The following SOX5 variants were observed in gnomAD, a reference collection of about 807,000 sequenced individuals.
The protein encoded by SOX5 is SRY-box transcription factor 5, also known as transcription factor SOX-5.
Under a neutral mutation model 92.0 loss-of-function variants are expected in SOX5, and 9 were observed. That is an observed-to-expected ratio of 0.10 (90% confidence interval 0.06 to 0.17). The LOEUF is 0.17. Among genes scored for constraint, SOX5 ranks in the 10% least tolerant of loss-of-function variants. The probability of loss-of-function intolerance (pLI) is 1.00; values close to 1 mark genes in which losing one functional copy is unlikely to be tolerated. For missense variants in SOX5, 642 were observed against 944.5 expected, an observed-to-expected ratio of 0.68 and a Z score of 4.20; for synonymous variants, 344 against 336.3, an observed-to-expected ratio of 1.02 and a Z score of -0.25.
intron 1 of SOX5, among the ~76,000 whole-genome samples, chr12:24,529,977 G>A (rs970576151): frequency 5.2e-5 from 7 of 133,736 alleles, no homozygotes; most frequent in South Asian, 2.4e-4. Context: ...CTGAGATCAC[G>A]CCACTGCACT....
At chr12:24,497,179 A>G (rs1320823125) in intron 1 of SOX5, among the ~76,000 whole-genome samples, 1 of 152,256 alleles carries the variant, frequency 6.6e-6, no homozygotes, top group East Asian at 1.9e-4. Context: ...AGGAAAATTA[A>G]TAAGATGTAT....
At chr12:24,096,838 T>C (rs1376467936) in intron 4 of SOX5, among the ~76,000 whole-genome samples, 1 of 152,120 alleles carries the variant, frequency 6.6e-6, no homozygotes, top group Non-Finnish European at 1.5e-5. Flanking sequence ...TTATAAATAC[T>C]TGTACAAAAG....
chr12:23,852,171 C>T (rs895840136), intron 2 of SOX5, among the ~76,000 whole-genome samples: 9 of 152,098 alleles, frequency 5.9e-5, no homozygotes, highest in African/African-American at 1.9e-4. Flanking sequence ...CTTAAACAGG[C>T]ATCTGCAACC....
chr12:24,336,076 T>G (rs1951863295), intron 2 of SOX5, among the ~76,000 whole-genome samples: 2 of 144,994 alleles, frequency 1.4e-5, no homozygotes, highest in Admixed American at 1.4e-4. Flanking sequence ...GGGATACGTT[T>G]TTTTTGTGTG....
intron 9 of SOX5, among the ~76,000 whole-genome samples, chr12:23,600,546 T>TATATATATATATATAG (rs2074335746): frequency 8.0e-6 from 1 of 125,532 alleles, no homozygotes; most frequent in South Asian, 2.5e-4. Flanking sequence ...TATATATATA[T>TATATATATATATATAG]ATATATACAC....
At chr12:23,551,206 G>A (rs12049960) in intron 11 of SOX5, among the ~76,000 whole-genome samples, 18,432 of 151,786 alleles carry the variant, frequency 0.12, 1,491 homozygotes, top group Non-Finnish European at 0.17. Context: ...CTATATTAAC[G>A]ACACGGGAAG....
intron 1 of SOX5, among the ~76,000 whole-genome samples, chr12:23,936,190 G>A (rs1029388578): frequency 9.9e-5 from 15 of 150,832 alleles, no homozygotes; most frequent in African/African-American, 3.6e-4. Context: ...CATCTTGTGG[G>A]TCAATTTAAG....
intron 4 of SOX5, among the ~76,000 whole-genome samples, chr12:24,155,064 C>A (rs34284918): frequency 0.033 from 4,972 of 152,096 alleles, 102 homozygotes; most frequent in South Asian, 0.07. Context: ...ATGGGTGTAT[C>A]CTCCTTGAAA....
In SOX5 at chr12:23,703,751, C is replaced by A. The variant is rs570814713; in HGVS notation, c.810+30933G>T. On this transcript the variant is annotated intron_variant, in intron 6 of 14. Coordinates refer to ENST00000451604, the MANE Select transcript of SOX5 (RefSeq NM_006940.6). ...GGACACACACACACACACACACACA[C>A]AAACACCATGATATAGTTTGAGAAA... 4.0e-5 allele frequency among the ~76,000 whole-genome samples: 6 copies of A among 151,714 alleles called. No individual in the cohort carries two copies. In the East Asian group the frequency reaches 7.7e-4, roughly 20 times the overall value.
rs530025991 is a variant in SOX5 at position 24,354,414 on chromosome 12, A to G, written c.-174+14149T>C. 3.3e-5 allele frequency among the ~76,000 whole-genome samples: 5 copies of G among 152,380 alleles called. No individual in the cohort carries two copies. The East Asian group carries it at 9.6e-4, about 29-fold the overall frequency. On this transcript the variant is annotated intron_variant, in intron 2 of 4. Transcript: ENST00000446891. ...TAAGGGAGATCATATGGGGCCTTGC[A>G]GGCCAAGCCATAGATTTAGGTCCTC...
intron 1 of SOX5, among the ~76,000 whole-genome samples, chr12:24,462,374 T>G (rs1307302847): frequency 6.6e-6 from 1 of 152,228 alleles, no homozygotes; most frequent in African/African-American, 2.4e-5. Flanking sequence ...AACGTCATTA[T>G]GCAGTATATG....
intron 4 of SOX5, among the ~76,000 whole-genome samples, chr12:24,050,228 G>A (rs1957438455): frequency 6.6e-6 from 1 of 151,956 alleles, no homozygotes; most frequent in Non-Finnish European, 1.5e-5. Context: ...TCTCAAGGTA[G>A]AAAAATCACC....
intron 1 of SOX5, among the ~76,000 whole-genome samples, chr12:24,452,283 G>A (rs1440280590): frequency 6.6e-6 from 1 of 152,160 alleles, no homozygotes; most frequent in Non-Finnish European, 1.5e-5. Flanking sequence ...CTTGCGTAAA[G>A]CAATGATTTA....
intron 3 of SOX5, among the ~76,000 whole-genome samples, chr12:24,270,068 T>TG (rs753559881): frequency 6.3e-4 from 95 of 151,916 alleles, no homozygotes; most frequent in Middle Eastern, 6.8e-3. Flanking sequence ...GGGAAACTCT[T>TG]TTTCTTTTTT....
intron 6 of SOX5, among the ~76,000 whole-genome samples, chr12:23,681,633 A>G (rs1050497366): frequency 2.0e-5 from 3 of 151,830 alleles, no homozygotes; most frequent in African/African-American, 7.2e-5. Context: ...TTAACACACA[A>G]AGCATAATTG....
At chr12:24,381,527 C>A (rs986297431) in intron 1 of SOX5, among the ~76,000 whole-genome samples, 2 of 152,128 alleles carry the variant, frequency 1.3e-5, no homozygotes, top group Admixed American at 6.6e-5. Flanking sequence ...CGTATTCCCA[C>A]CTTATAGCCA....
rs113534272 is a variant in SOX5, at chr12:24,406,062, CAAGA to C, written c.-250-37427_-250-37424del. Among the ~76,000 whole-genome samples the C allele has an allele frequency of 2.2e-3, 335 of 152,184 alleles. 1 individual carries two copies. Among genetic ancestry groups the C allele is most frequent in the African/African-American group, 7.5e-3 (310 of 41,534 alleles). On this transcript the variant is annotated intron_variant, in intron 1 of 4. Coordinates refer to the SOX5 transcript ENST00000446891. ...GCTCCCATCCTGAAAATCCAGAGGACAAGAGAGCTGGGCTAGGAGCAGCTCTGCA... is the reference window on the plus strand; with the variant it reads ...GCTCCCATCCTGAAAATCCAGAGGACGAGCTGGGCTAGGAGCAGCTCTGCA...
At chr12:24,019,469 T>A (rs1954047845) in intron 4 of SOX5, among the ~76,000 whole-genome samples, 1 of 152,210 alleles carries the variant, frequency 6.6e-6, no homozygotes, top group Admixed American at 6.5e-5. Flanking sequence ...ACCATAGGGA[T>A]CCACTGGCCC....
intron 2 of SOX5, among the ~76,000 whole-genome samples, chr12:24,333,392 A>T (rs945533037): frequency 2.6e-5 from 4 of 152,232 alleles, no homozygotes; most frequent in African/African-American, 9.6e-5. Context: ...TATGTAGACC[A>T]AGCTCATGTA....
Sources: allele counts gnomAD v4.1 joint callset (sites outside exome capture counted in the v4.1 genomes callset), GRCh38; gene constraint gnomAD v4.1.1; transcripts MANE v1.5; gene names NCBI Gene and HGNC (gene_info 2026-07-23, HGNC 2026-07-21).